Variants in GAD2 observed in about 807,000 individuals in gnomAD.
GAD2 encodes glutamate decarboxylase 2, also known as 65 kDa glutamic acid decarboxylase.
Under a neutral mutation model 80.1 loss-of-function variants are expected in GAD2, and 22 were observed. That is an observed-to-expected ratio of 0.27 (90% CI 0.20 to 0.39). GAD2 has a LOEUF of 0.39. Ranked by LOEUF, GAD2 falls within the 10% of genes least tolerant of loss-of-function variation. The pLI, the probability that GAD2 is intolerant of heterozygous loss-of-function variation, is 1.00. For synonymous variants in GAD2, 274 were observed against 256.9 expected (o/e 1.07, Z -0.64); for missense variants, 624 against 738.4 (o/e 0.85, Z 1.80).
At chr10:26,227,908 C>T (rs138914443) in intron 6 of GAD2, among the ~76,000 whole-genome samples, 308 of 152,328 alleles carry the variant, frequency 2.0e-3, no homozygotes, top group Non-Finnish European at 3.4e-3. Flanking sequence ...AGGAAGGAAT[C>T]GCCCTGATTT....
chr10:26,286,292 A>G (rs8190770), intron 12 of GAD2, 53 bp from the exon 13 acceptor site: 129,234 of 1,478,734 alleles, frequency 0.087, 6,228 homozygotes, highest in Non-Finnish European at 0.1. Flanking sequence ...TTACCAATAT[A>G]AATCTAATAA....
At position 26,270,630 on chromosome 10, in the gene GAD2, G is replaced by A. The variant is rs74767822; in HGVS notation, c.976-10G>A. The A allele has an allele frequency of 1.3e-3, 2,012 of 1,598,540 alleles. 14 individuals are homozygous for A. In the Middle Eastern group the frequency reaches 0.018, roughly 14 times the overall value. On this transcript the variant is annotated splice_polypyrimidine_tract_variant and intron_variant, in intron 9 of 15. Transcript: ENST00000376261. ...GTTTTCCATGATTTGGGGCTTTCTCGTTCGCACAGGGGTTTGTTCCTTTCC... is the reference window on the plus strand; with the variant it reads ...GTTTTCCATGATTTGGGGCTTTCTCATTCGCACAGGGGTTTGTTCCTTTCC...
At chr10:26,254,210 T>C (rs573655824) in intron 8 of GAD2, among the ~76,000 whole-genome samples, 2 of 152,264 alleles carry the variant, frequency 1.3e-5, no homozygotes, top group African/African-American at 4.8e-5. Context: ...CTAATTTTTT[T>C]ATTTTTAGTG....
chr10:26,302,445 T>C lies in GAD2; in HGVS notation c.*1484T>C, dbSNP rs369992086. 1 of 152,194 alleles carries C rather than the reference T, an allele frequency of 6.6e-6. No homozygotes were observed. Among genetic ancestry groups the C allele is most frequent in the Non-Finnish European group, 1.5e-5 (1 of 68,026 alleles). The allele number at this position is 152,194 out of a possible 1,614,324, so 9.4% of individuals were successfully genotyped here. ...TCCCTGTGAACCTGATAGAAAAACATGAGCTAACAAAAGCTTCCATAGATA... is the reference window on the plus strand; with the variant it reads ...TCCCTGTGAACCTGATAGAAAAACACGAGCTAACAAAAGCTTCCATAGATA... On this transcript the variant is annotated 3_prime_UTR_variant, in exon 16 of 16. Coordinates refer to ENST00000376261, the MANE Select transcript of GAD2 (RefSeq NM_001134366.2).
chr10:26,216,725 G>T, upstream of GAD2: 6 of 1,188,298 alleles, frequency 5.0e-6, no homozygotes, highest in Non-Finnish European at 7.1e-6. This position sits in a 1 kb window ranked among gnomAD's most constrained non-coding sequence, Gnocchi z 4.7. Flanking sequence ...CGCCACACGG[G>T]CACGCACGCG....
intron 7 of GAD2, 65 bp from the exon 8 acceptor site, chr10:26,245,856 C>A: frequency 1.6e-6 from 2 of 1,253,868 alleles, no homozygotes; most frequent in Non-Finnish European, 2.3e-6. Flanking sequence ...AGAAAACAAA[C>A]AGCCAGTGGA....
chr10:26,300,954 A>T lies in GAD2; in HGVS notation c.1751A>T (p.Asp584Val), dbSNP rs1282403132. 6.2e-7 allele frequency: 1 copy of T among 1,613,456 alleles called. No homozygotes were observed. Among genetic ancestry groups the T allele is most frequent in the Non-Finnish European group, 8.5e-7 (1 of 1,179,470 alleles). ...LIEEIERLGQ[D>V]L ...GAAGAAATAGAACGCCTTGGACAAG[A>T]TTTATAATAACCTTGCTCACCAAGC... Residue 584 changes from aspartate to valine, a missense_variant, in exon 16 of 16, where the codon GAT becomes GTT. Transcript: ENST00000376261.
chr10:26,218,224 C>A, intron 3 of GAD2: 1 of 418,180 alleles, frequency 2.4e-6, no homozygotes, highest in South Asian at 7.4e-5. Flanking sequence ...TGGCGCTCTT[C>A]CCCCAGCGCG....
intron 15 of GAD2, among the ~76,000 whole-genome samples, chr10:26,295,639 A>G (rs1225321356): frequency 6.6e-6 from 1 of 152,094 alleles, no homozygotes; most frequent in East Asian, 1.9e-4. Context: ...TTAAATTTAA[A>G]TCAATTAAAA....
intron 11 of GAD2, among the ~76,000 whole-genome samples, chr10:26,279,577 G>T (rs1845249918): frequency 6.6e-6 from 1 of 152,192 alleles, no homozygotes; most frequent in Non-Finnish European, 1.5e-5. Flanking sequence ...AATAATTCTG[G>T]TGCCAAGTGA....
At chr10:26,284,667 G>A (rs966568326) in intron 12 of GAD2, among the ~76,000 whole-genome samples, 11 of 150,576 alleles carry the variant, frequency 7.3e-5, no homozygotes, top group African/African-American at 2.5e-4. Flanking sequence ...CACCTCCTGG[G>A]TTCAAGCGAT....
At chr10:26,245,404 C>T (rs77476967) in intron 7 of GAD2, among the ~76,000 whole-genome samples, 3,976 of 151,154 alleles carry the variant, frequency 0.026, 184 homozygotes, top group African/African-American at 0.092. Flanking sequence ...TAAATAAAAA[C>T]GGTTAAGATG....
chr10:26,247,468 C>T (rs1844823017), intron 8 of GAD2, among the ~76,000 whole-genome samples: 1 of 152,036 alleles, frequency 6.6e-6, no homozygotes, highest in Non-Finnish European at 1.5e-5. Flanking sequence ...TGGAGTTACT[C>T]ATATTCACAT....
Position 26,292,513 on chromosome 10 carries a change from G to A in GAD2, c.1435G>A (p.Glu479Lys), listed in dbSNP as rs1180017852. The change falls in exon 14 of 16, where the codon GAG becomes AAG. Residue 479 changes from glutamate to lysine, a missense_variant. Transcript: ENST00000376261. ...TGTTGATAAATGTTTGGAGTTGGCAGAGTATTTATACAACATCATAAAAAA... is the reference window on the plus strand; with the variant it reads ...TGTTGATAAATGTTTGGAGTTGGCAAAGTATTTATACAACATCATAAAAAA... ...AHVDKCLELA[E>K]YLYNIIKNRE... is the part of the protein sequence containing the mutation. 1.2e-6 allele frequency: 2 copies of A among 1,614,100 alleles called. No individual in the cohort carries two copies. Among genetic ancestry groups the A allele is most frequent in the Non-Finnish European group, 8.5e-7 (1 of 1,179,972 alleles).
rs745689082 is a variant in GAD2, at chr10:26,237,562, C to T, written c.840+7785C>T. ...ACAGAGGGAGCAGGGAGAGCAGAGT[C>T]GGGGCCAGTGATTTCCTTAAGAGGG... On this transcript the variant is annotated intron_variant, in intron 7 of 15. Coordinates refer to ENST00000376261, the MANE Select transcript of GAD2 (RefSeq NM_001134366.2). 3.6e-4 allele frequency among the ~76,000 whole-genome samples: 55 copies of T among 151,942 alleles called. 1 individual carries two copies. The highest frequency in any genetic ancestry group is 6.9e-4 in the Non-Finnish European group (47 of 67,978).
At position 26,219,197 on chromosome 10, in the gene GAD2, G is replaced by C. The variant is rs147809083; in HGVS notation, c.441G>C (p.Trp147Cys). ...YPNELLQEYN[W>C]ELADQPQNLE... Reference sequence around the variant, plus strand: ...ATGAGCTTCTCCAAGAATATAATTGGGAATTGGCAGACCAACCACAAAATT... The same window carrying C: ...ATGAGCTTCTCCAAGAATATAATTGCGAATTGGCAGACCAACCACAAAATT... The change falls in exon 4 of 16, where the codon TGG becomes TGC. Residue 147 changes from tryptophan (W) to cysteine (C), a missense_variant. Coordinates refer to ENST00000376261, the MANE Select transcript of GAD2 (RefSeq NM_001134366.2). 3 of 1,613,288 alleles carry C rather than the reference G, an allele frequency of 1.9e-6. No homozygotes were observed. Among genetic ancestry groups the C allele is most frequent in the African/African-American group, 1.3e-5 (1 of 74,854 alleles).
At chr10:26,257,703 C>T (rs1383683579) in intron 8 of GAD2, among the ~76,000 whole-genome samples, 1 of 152,210 alleles carries the variant, frequency 6.6e-6, no homozygotes. Context: ...AAACGTATCA[C>T]TCCAGCTTTA....
intron 4 of GAD2, among the ~76,000 whole-genome samples, chr10:26,221,208 C>T (rs1156382777): frequency 3.3e-5 from 5 of 152,186 alleles, no homozygotes; most frequent in African/African-American, 1.2e-4. Context: ...TAGTTACCAT[C>T]CTTGCTACTA....
chr10:26,262,163 A>C (rs1354406789), intron 8 of GAD2, among the ~76,000 whole-genome samples: 1 of 151,922 alleles, frequency 6.6e-6, no homozygotes, highest in Non-Finnish European at 1.5e-5. Flanking sequence ...TTTAAAGAGC[A>C]TTATATGTTA....
Sources: allele counts gnomAD v4.1 joint callset (sites outside exome capture counted in the v4.1 genomes callset), GRCh38; gene constraint gnomAD v4.1.1; non-coding constraint Gnocchi (gnomAD v3.1); transcripts MANE v1.5; gene names NCBI Gene and HGNC (gene_info 2026-07-23, HGNC 2026-07-21).